The following CNP variants were observed in gnomAD, a reference collection of about 807,000 sequenced individuals.
CNP encodes 2',3'-cyclic nucleotide 3' phosphodiesterase, also known as 2',3'-cyclic-nucleotide 3'-phosphodiesterase.
Under a neutral mutation model 37.9 loss-of-function variants are expected in CNP, and 8 were observed. That is an observed-to-expected ratio of 0.21 (90% CI 0.12 to 0.38). CNP has a LOEUF of 0.38. Among genes scored for constraint, CNP ranks in the 10% least tolerant of loss-of-function variants. The pLI is 1.00. For synonymous variants in CNP, 237 were observed against 238.3 expected (o/e 0.99, Z 0.05); for missense variants, 457 against 551.0 (o/e 0.83, Z 1.71).
intron 2 of CNP, among the ~76,000 whole-genome samples, chr17:41,969,835 C>T (rs1464024064): frequency 6.6e-6 from 1 of 152,170 alleles, no homozygotes; most frequent in African/African-American, 2.4e-5. Flanking sequence ...GGATTACAGG[C>T]GTGAGCCACC....
chr17:41,976,415 C>T lies in CNP; in HGVS notation c.*2491C>T. On this transcript the variant is annotated 3_prime_UTR_variant, in exon 4 of 4. Transcript: ENST00000393892. ...TCTGGCTCACAGACTGGAGACAATGCAGATGCCAGAGCAAAGGGCCAGGAA... is the reference window on the plus strand; with the variant it reads ...TCTGGCTCACAGACTGGAGACAATGTAGATGCCAGAGCAAAGGGCCAGGAA... The T allele has an allele frequency of 6.6e-6, 2 of 302,640 alleles. No individual in the cohort carries two copies. Among genetic ancestry groups the T allele is most frequent in the Non-Finnish European group, 6.1e-6 (1 of 163,134 alleles). 18.7% of individuals were successfully genotyped at this position (302,640 alleles called of 1,614,324 possible).
Position 41,977,512 on chromosome 17 carries a change from C to G in CNP, c.*3588C>G, listed in dbSNP as rs911603732. 8 of 530,960 alleles carry G rather than the reference C, an allele frequency of 1.5e-5. No individual in the cohort carries two copies. In the Admixed American group the frequency reaches 2.6e-4, roughly 17 times the overall value. 32.9% of individuals were successfully genotyped at this position (530,960 alleles called of 1,614,324 possible). A position where few individuals can be genotyped will look rare whatever the true frequency, so the allele number is the denominator to read the frequency against. Reference sequence around the variant, plus strand: ...TCCCGTGCAAAACATGCTACCTGATCCCACTCCTAGGACATGTTCCCTTCT... The same window carrying G: ...TCCCGTGCAAAACATGCTACCTGATGCCACTCCTAGGACATGTTCCCTTCT... On this transcript the variant is annotated 3_prime_UTR_variant, in exon 4 of 4. Coordinates refer to ENST00000393892, the MANE Select transcript of CNP (RefSeq NM_033133.5).
Position 41,968,818 on chromosome 17 carries a change from C to CA in CNP, c.676+81dup, listed in dbSNP as rs369070233. 9 of 1,443,444 alleles carry CA rather than the reference C, an allele frequency of 6.2e-6. No homozygotes were observed. The African/African-American group carries it at 1.0e-4, about 16-fold the overall frequency. 89.4% of individuals were successfully genotyped at this position (1,443,444 alleles called of 1,614,324 possible). ...GCGGGCAAAGGACCATCATTGTACT[C>CA]AAAGGATGGAGCACGAAGCAGCAGG... is the stretch of plus-strand genomic sequence containing the variant. On this transcript the variant is annotated intron_variant, in intron 2 of 3. Transcript: ENST00000393892. This position sits in a 1 kb window ranked among gnomAD's most constrained non-coding sequence, Gnocchi z 4.8.
intron 1 of CNP, 177 bp from the exon 2 acceptor site, chr17:41,967,891 C>T (rs2050926068): frequency 2.8e-6 from 4 of 1,431,328 alleles, no homozygotes; most frequent in Admixed American, 2.9e-5. Context: ...TTCAGACAAG[C>T]TTCCCTCTTC....
At position 41,968,855 on chromosome 17, in the gene CNP, G is replaced by A. The variant is rs887961763; in HGVS notation, c.676+115G>A. The A allele has an allele frequency of 5.5e-6, 7 of 1,269,138 alleles. No individual in the cohort carries two copies. Among genetic ancestry groups the A allele is most frequent in the Admixed American group, 2.8e-5 (1 of 36,076 alleles). The allele number at this position is 1,269,138 out of a possible 1,614,324, so 78.6% of individuals were successfully genotyped here. A position where few individuals can be genotyped will look rare whatever the true frequency, so the allele number is the denominator to read the frequency against. On this transcript the variant is annotated intron_variant, in intron 2 of 3. Coordinates refer to ENST00000393892, the MANE Select transcript of CNP (RefSeq NM_033133.5). The surrounding 1 kb of genome is among the most constrained non-coding windows in gnomAD (Gnocchi z 4.8). ...CACGAAGCAGCAGGAGGCAGAGAGA[G>A]GCTCACCTCAGCGGGGGCAGGGGCA...
At chr17:41,967,286 A>C in intron 1 of CNP, 1 of 180,260 alleles carries the variant, frequency 5.5e-6, no homozygotes, top group Non-Finnish European at 1.2e-5. Context: ...TGCGGGCGGG[A>C]GGTGGAGCCA....
rs1044530852 is a variant in CNP, at chr17:41,976,438, G to A, written c.*2514G>A. Reference sequence around the variant, plus strand: ...TGCAGATGCCAGAGCAAAGGGCCAGGAAGGGTCAAAACATTTTATTCTCTT... The same window carrying A: ...TGCAGATGCCAGAGCAAAGGGCCAGAAAGGGTCAAAACATTTTATTCTCTT... On this transcript the variant is annotated 3_prime_UTR_variant, in exon 4 of 4. Transcript: ENST00000393892. 6.7e-5 allele frequency: 24 copies of A among 356,380 alleles called. No homozygotes were observed. The highest frequency in any genetic ancestry group is 1.1e-4 in the Admixed American group (2 of 18,894). 22.1% of individuals were successfully genotyped at this position (356,380 alleles called of 1,614,324 possible).
In CNP at chr17:41,973,964, A is replaced by C; in HGVS notation, c.*40A>C. 1 of 1,301,928 alleles carries C rather than the reference A, an allele frequency of 7.7e-7. No individual in the cohort carries two copies. Among genetic ancestry groups the C allele is most frequent in the Non-Finnish European group, 1.0e-6 (1 of 984,834 alleles). The allele number at this position is 1,301,928 out of a possible 1,614,324, so 80.6% of individuals were successfully genotyped here. Reference sequence around the variant, plus strand: ...ACTTATGCCCCTAGAAGGGAAGGGGAGAGGGAAACGTGCCCTCTGTTTGAT... The same window carrying C: ...ACTTATGCCCCTAGAAGGGAAGGGGCGAGGGAAACGTGCCCTCTGTTTGAT... On this transcript the variant is annotated 3_prime_UTR_variant, in exon 4 of 4. Coordinates refer to ENST00000393892, the MANE Select transcript of CNP (RefSeq NM_033133.5).
rs782439529 is a variant in CNP, at chr17:41,973,909, C to T, written c.1251C>T (p.Ser417=). The change falls in exon 4 of 4, where the codon TCC becomes TCT. Residue 417 remains serine, a synonymous_variant. Coordinates refer to ENST00000393892, the MANE Select transcript of CNP (RefSeq NM_033133.5). ...GCCGGAAGGGGGGCGCCTTGCAGTCCTGCACCATCATATGAGTGTTCTCAC... is the reference window on the plus strand; with the variant it reads ...GCCGGAAGGGGGGCGCCTTGCAGTCTTGCACCATCATATGAGTGTTCTCAC... ...QGSRKGGALQ[S]CTII The T allele has an allele frequency of 1.5e-5, 23 of 1,540,530 alleles. No individual in the cohort carries two copies. Among genetic ancestry groups the T allele is most frequent in the Non-Finnish European group, 1.9e-5 (22 of 1,143,458 alleles).
In CNP at chr17:41,973,635, G is replaced by A. The variant is rs1295173775; in HGVS notation, c.977G>A (p.Gly326Glu). Reference protein sequence around the residue: ...KLSPTDNLPRGSRAHITLGCA... With the variant: ...KLSPTDNLPRESRAHITLGCA... ...TCACCCACTGACAACCTGCCGCGGG[G>A]GAGCCGCGCCCACATCACCCTCGGC... The change falls in exon 4 of 4, where the codon GGG becomes GAG. Residue 326 changes from glycine to glutamate, a missense_variant. Around this residue, in one of 2 missense-constraint regions of CNP, gnomAD observed 291 missense variants for 291.7 expected, o/e 1.00. Transcript: ENST00000393892. 2.5e-5 allele frequency: 41 copies of A among 1,614,052 alleles called. No homozygotes were observed. Among genetic ancestry groups the A allele is most frequent in the Non-Finnish European group, 3.5e-5 (41 of 1,180,050 alleles).
intron 2 of CNP, among the ~76,000 whole-genome samples, chr17:41,969,499 G>A (rs1357100471): frequency 2.6e-5 from 4 of 152,188 alleles, no homozygotes; most frequent in Non-Finnish European, 2.9e-5. Flanking sequence ...TGTTGGAGAA[G>A]TGCCACCCAC....
rs930330148 is a variant in CNP at position 41,977,668 on chromosome 17, G to C, written c.*3744G>C. 2 of 188,878 alleles carry C rather than the reference G, an allele frequency of 1.1e-5. No homozygotes were observed. Among genetic ancestry groups the C allele is most frequent in the South Asian group, 2.8e-4 (2 of 7,102 alleles). 11.7% of individuals were successfully genotyped at this position (188,878 alleles called of 1,614,324 possible). A position where few individuals can be genotyped will look rare whatever the true frequency, so the allele number is the denominator to read the frequency against. ...CATACTCTGTCTCCCTATAATGCTGGAGCGGCTACTAAAAAGGATAAAATG... is the reference window on the plus strand; with the variant it reads ...CATACTCTGTCTCCCTATAATGCTGCAGCGGCTACTAAAAAGGATAAAATG... On this transcript the variant is annotated 3_prime_UTR_variant, in exon 4 of 4. Transcript: ENST00000393892.
Position 41,968,529 on chromosome 17 carries a change from G to A in CNP, c.465G>A (p.Arg155=), listed in dbSNP as rs972690518. Residue 155 remains arginine, a synonymous_variant, in exon 2 of 4, where the codon CGG becomes CGA. Coordinates refer to ENST00000393892, the MANE Select transcript of CNP (RefSeq NM_033133.5). The surrounding 1 kb of genome is among the most constrained non-coding windows in gnomAD (Gnocchi z 4.8). ...VVLVEPKTAW[R]LDCAQLKEKN... ...TGGTGGAGCCCAAGACGGCGTGGCG[G>A]CTGGACTGTGCCCAGCTCAAGGAGA... The A allele has an allele frequency of 1.2e-6, 2 of 1,614,148 alleles. No individual in the cohort carries two copies. The highest frequency in any genetic ancestry group is 1.7e-6 in the Non-Finnish European group (2 of 1,180,042).
In CNP at chr17:41,968,815, A is replaced by C; in HGVS notation, c.676+75A>C. The stretch of plus-strand genomic sequence containing the variant: ...GCTGCGGGCAAAGGACCATCATTGT[A>C]CTCAAAGGATGGAGCACGAAGCAGC... On this transcript the variant is annotated intron_variant, in intron 2 of 3. Transcript: ENST00000393892. This position sits in a 1 kb window ranked among gnomAD's most constrained non-coding sequence, Gnocchi z 4.8. 1 of 1,463,994 alleles carries C rather than the reference A, an allele frequency of 6.8e-7. No homozygotes were observed. Among genetic ancestry groups the C allele is most frequent in the African/African-American group, 1.4e-5 (1 of 70,320 alleles). 90.7% of individuals were successfully genotyped at this position (1,463,994 alleles called of 1,614,324 possible). A position where few individuals can be genotyped will look rare whatever the true frequency, so the allele number is the denominator to read the frequency against.
chr17:41,971,743 C>A, intron 2 of CNP, 149 bp from the exon 3 acceptor site: 4 of 1,042,242 alleles, frequency 3.8e-6, no homozygotes, highest in African/African-American at 3.2e-5. Context: ...ATTAGTTTGA[C>A]CAACTAACCA....
At chr17:41,967,760 G>A in intron 1 of CNP, 2 of 1,144,916 alleles carry the variant, frequency 1.7e-6, no homozygotes, top group Non-Finnish European at 2.2e-6. Context: ...CTTAGTAGGT[G>A]CCAAGCATAT....
chr17:41,968,736 A>G lies in CNP; in HGVS notation c.672A>G (p.Arg224=). The G allele has an allele frequency of 6.2e-7, 1 of 1,608,096 alleles. No homozygotes were observed. Among genetic ancestry groups the G allele is most frequent in the Non-Finnish European group, 8.5e-7 (1 of 1,176,140 alleles). Residue 224 remains arginine, a synonymous_variant, in exon 2 of 4, where the codon CGA becomes CGG. Coordinates refer to ENST00000393892, the MANE Select transcript of CNP (RefSeq NM_033133.5). The surrounding 1 kb of genome is among the most constrained non-coding windows in gnomAD (Gnocchi z 4.8). ...ACAAGGCCTTCAAGAAGGAGCTGCGACAATGTAGGTGGCAGGTTGGGGCCT... is the reference window on the plus strand; with the variant it reads ...ACAAGGCCTTCAAGAAGGAGCTGCGGCAATGTAGGTGGCAGGTTGGGGCCT... ...GNHKAFKKEL[R]QFVPGDEPRE... is the part of the protein sequence containing the mutation.
rs2051091087 is a variant in CNP at position 41,976,726 on chromosome 17, C to T, written c.*2802C>T. ...GCATTTTCTGGGTTCTGGGTGGTTG[C>T]CCTTCATTAGCCAAATTGAAAAAAG... On this transcript the variant is annotated 3_prime_UTR_variant, in exon 4 of 4. Transcript: ENST00000393892. The T allele has an allele frequency of 6.2e-7, 1 of 1,610,134 alleles. No homozygotes were observed. Among genetic ancestry groups the T allele is most frequent in the Non-Finnish European group, 8.5e-7 (1 of 1,179,228 alleles).
rs1555643243 is a variant in CNP, at chr17:41,968,403, C to T, written c.339C>T (p.Arg113=). ...AGGACCTGGCTGCCTACTGCCGCCG[C>T]CGGGACATCAGAATTCTTGTGCTTG... is the stretch of plus-strand genomic sequence containing the variant. ...LDEDLAAYCR[R]RDIRILVLDD... The change falls in exon 2 of 4, where the codon CGC becomes CGT. Residue 113 remains arginine, a synonymous_variant. Transcript: ENST00000393892. The surrounding 1 kb of genome is among the most constrained non-coding windows in gnomAD (Gnocchi z 4.8). 1.2e-6 allele frequency: 2 copies of T among 1,614,140 alleles called. No individual in the cohort carries two copies. The highest frequency in any genetic ancestry group is 1.1e-5 in the South Asian group (1 of 91,086).
Sources: gnomAD v4.1 joint callset for allele counts (sites outside exome capture counted in the v4.1 genomes callset) on GRCh38, gnomAD v4.1.1 for gene constraint, gnomAD v4.1.1 regional missense constraint, Gnocchi (gnomAD v3.1) non-coding constraint, MANE v1.5 for transcripts, NCBI Gene and HGNC (gene_info 2026-07-23, HGNC 2026-07-21) for gene names.